Variants in USP34 observed in about 807,000 individuals in gnomAD.
USP34 encodes the protein ubiquitin carboxyl-terminal hydrolase 34.
USP34 carries 70 observed loss-of-function variants against 460.3 expected under a neutral mutation model. The observed-to-expected ratio is 0.15, with a 90% CI of 0.13 to 0.19. The LOEUF (loss-of-function observed/expected upper bound fraction) is 0.19, where lower values mean the gene tolerates loss of function less well. Ranked by LOEUF, USP34 falls within the 10% of genes least tolerant of loss-of-function variation. The pLI, the probability that USP34 is intolerant of heterozygous loss-of-function variation, is 1.00. For missense variants in USP34, 3,985 were observed against 4,236.2 expected (o/e 0.94, Z 1.65); for synonymous variants, 1,647 against 1,405.3 (o/e 1.17, Z -3.85).
At chr2:61,378,328 G>A (rs780822271) in intron 8 of USP34, 35 bp downstream of exon 8, 1 of 1,406,036 alleles carries the variant, frequency 7.1e-7, no homozygotes, top group Non-Finnish European at 9.8e-7. Context: ...ACATTAAAAT[G>A]GTATACTTAT....
In USP34 at chr2:61,257,189, T is replaced by C. The variant is rs1688744870; in HGVS notation, c.5991+15A>G. 1 of 1,591,902 alleles carries C rather than the reference T, an allele frequency of 6.3e-7. No individual in the cohort carries two copies. Among genetic ancestry groups the C allele is most frequent in the Non-Finnish European group, 8.5e-7 (1 of 1,172,910 alleles). The stretch of plus-strand genomic sequence containing the variant: ...TTCAAATTTCAAAGAAACTTTTCAG[T>C]ATTCTGATACTAACCAGTTCGGGAG... On this transcript the variant is annotated intron_variant, in intron 45 of 79. Coordinates refer to ENST00000398571, the MANE Select transcript of USP34 (RefSeq NM_014709.4).
chr2:61,455,579 C>G (rs1204957990), intron 1 of USP34, among the ~76,000 whole-genome samples: 1 of 152,058 alleles, frequency 6.6e-6, no homozygotes, highest in Non-Finnish European at 1.5e-5. Context: ...TCAAGACCAG[C>G]CCAGGCAGCA....
At chr2:61,398,764 A>G (rs1036799321) in intron 3 of USP34, among the ~76,000 whole-genome samples, 10 of 152,212 alleles carry the variant, frequency 6.6e-5, no homozygotes, top group Non-Finnish European at 1.2e-4. Context: ...TAAAGTCTGA[A>G]AATCATGGAT....
chr2:61,219,523 T>C (rs551827520), intron 67 of USP34, among the ~76,000 whole-genome samples: 1 of 152,156 alleles, frequency 6.6e-6, no homozygotes, highest in South Asian at 2.1e-4. Flanking sequence ...ATACAAAAAT[T>C]AGCTGAGTGT....
At chr2:61,429,272 C>G (rs998000915) in intron 1 of USP34, among the ~76,000 whole-genome samples, 13 of 152,094 alleles carry the variant, frequency 8.5e-5, no homozygotes, top group Non-Finnish European at 1.9e-4. Flanking sequence ...AAGGTGAAAC[C>G]CCGTCTCTAC....
rs542614021 is a variant in USP34 at position 61,294,883 on chromosome 2, C to A, written c.4461+66G>T. ...TTAAAATCAATGAAGAATTATGGTA[C>A]CCACTTTTGAAAAACTGAAGATAAA... On this transcript the variant is annotated intron_variant, in intron 32 of 79. Transcript: ENST00000398571. The A allele has an allele frequency of 2.3e-4, 291 of 1,270,878 alleles. 1 individual carries two copies. The South Asian group carries it at 3.7e-3, about 16-fold the overall frequency. 78.7% of individuals were successfully genotyped at this position (1,270,878 alleles called of 1,614,324 possible).
chr2:61,233,049 G>A (rs954592894), intron 57 of USP34, among the ~76,000 whole-genome samples: 20 of 151,732 alleles, frequency 1.3e-4, no homozygotes, highest in Admixed American at 9.9e-4. Context: ...TAGTAGAAAT[G>A]GGGTTTCACT....
At chr2:61,358,277 T>C (rs1558548035) in intron 10 of USP34, among the ~76,000 whole-genome samples, 2 of 151,954 alleles carry the variant, frequency 1.3e-5, no homozygotes, top group Non-Finnish European at 2.9e-5. Context: ...TAAAGAATTT[T>C]ATAAATGACA....
At chr2:61,378,659 A>C (rs2103857861) in intron 7 of USP34, among the ~76,000 whole-genome samples, 1 of 152,278 alleles carries the variant, frequency 6.6e-6, no homozygotes, top group East Asian at 1.9e-4. Context: ...TAATCCCAGC[A>C]CTTTAGGAGG....
chr2:61,201,353 A>G (rs1047770249), intron 75 of USP34, among the ~76,000 whole-genome samples: 3 of 151,468 alleles, frequency 2.0e-5, no homozygotes, highest in Non-Finnish European at 4.4e-5. Context: ...AAGTAGCTGC[A>G]ACTACAGGCA....
intron 53 of USP34, among the ~76,000 whole-genome samples, chr2:61,240,872 G>A (rs932605757): frequency 1.3e-5 from 2 of 152,176 alleles, no homozygotes; most frequent in South Asian, 4.1e-4. Flanking sequence ...CTGCGCCTGG[G>A]TGTAAAATAC....
chr2:61,257,476 G>A (rs1379321800), intron 44 of USP34, 126 bp from the exon 45 acceptor site: 1 of 669,876 alleles, frequency 1.5e-6, no homozygotes, highest in Non-Finnish European at 2.2e-6. Context: ...TTAAATGGTT[G>A]CTTCTATTTC....
intron 71 of USP34, 69 bp downstream of exon 71, chr2:61,206,691 A>C: frequency 6.4e-7 from 1 of 1,563,866 alleles, no homozygotes; most frequent in Non-Finnish European, 8.7e-7. Context: ...TCTGGGGCAC[A>C]TGATTTTAAA....
chr2:61,394,722 C>A, intron 5 of USP34, 131 bp downstream of exon 5: 5 of 597,110 alleles, frequency 8.4e-6, no homozygotes, highest in Non-Finnish European at 1.3e-5. Flanking sequence ...TTTCTGTACT[C>A]ATTTTGTCAA....
chr2:61,290,325 T>C (rs918988162), intron 33 of USP34, among the ~76,000 whole-genome samples: 2 of 152,156 alleles, frequency 1.3e-5, no homozygotes, highest in Non-Finnish European at 2.9e-5. Flanking sequence ...TATTTAGCAA[T>C]TTCATCACTT....
At chr2:61,352,609 T>A (rs938107982) in intron 10 of USP34, among the ~76,000 whole-genome samples, 3 of 150,222 alleles carry the variant, frequency 2.0e-5, no homozygotes, top group Non-Finnish European at 4.4e-5. Flanking sequence ...ATTACAGGAA[T>A]GAGCCACTGA....
Position 61,380,283 on chromosome 2 carries a change from G to C in USP34, c.900C>G (p.Val300=). The part of the protein sequence containing the change: ...RNMADLMWST[V]KEPLDTTLCF... ...ATAATGTTGTATCCAATGGTTCTTT[G>C]ACTGTGCTCCACATTAAGTCAGCCA... Residue 300 remains valine (V), a synonymous_variant, in exon 7 of 80, where the codon GTC becomes GTG. Transcript: ENST00000398571. 1 of 1,614,092 alleles carries C rather than the reference G, an allele frequency of 6.2e-7. No homozygotes were observed. The highest frequency in any genetic ancestry group is 1.1e-5 in the South Asian group (1 of 91,066).
chr2:61,445,510 G>A (rs926182881), intron 1 of USP34, among the ~76,000 whole-genome samples: 2 of 145,920 alleles, frequency 1.4e-5, no homozygotes, highest in African/African-American at 5.1e-5. Flanking sequence ...ACTCCAGCCT[G>A]GGCAACAGAT....
At chr2:61,368,189 T>C (rs1338053307) in intron 10 of USP34, among the ~76,000 whole-genome samples, 1 of 152,120 alleles carries the variant, frequency 6.6e-6, no homozygotes, top group Admixed American at 6.5e-5. Context: ...ATACCAGCAC[T>C]TTGTGAGGCC....
Sources: gnomAD v4.1 joint callset for allele counts (sites outside exome capture counted in the v4.1 genomes callset) on GRCh38, gnomAD v4.1.1 for gene constraint, MANE v1.5 for transcripts, NCBI Gene and HGNC (gene_info 2026-07-23, HGNC 2026-07-21) for gene names.